Variants in ZDHHC20 observed in about 807,000 individuals in gnomAD.
ZDHHC20 encodes palmitoyltransferase ZDHHC20.
Under a neutral mutation model 57.8 loss-of-function variants are expected in ZDHHC20, and 43 were observed. That is an observed-to-expected ratio of 0.74 (90% CI 0.58 to 0.96). The LOEUF is 0.96. ZDHHC20 is among the 40% of genes least tolerant of loss of function. The probability of loss-of-function intolerance (pLI) is 0.00; values close to 1 mark genes in which losing one functional copy is unlikely to be tolerated. For missense variants in ZDHHC20, 391 were observed against 441.1 expected (o/e 0.89, Z 1.02); for synonymous variants, 157 against 153.0 (o/e 1.03, Z -0.19).
intron 8 of ZDHHC20, among the ~76,000 whole-genome samples, chr13:21,389,736 G>C (rs1875308365): frequency 6.6e-6 from 1 of 152,080 alleles, no homozygotes; most frequent in Non-Finnish European, 1.5e-5. Context: ...GCCCTATCTT[G>C]GGCAGTCCAC....
chr13:21,449,358 G>A (rs1365001260), intron 1 of ZDHHC20, among the ~76,000 whole-genome samples: 3 of 152,220 alleles, frequency 2.0e-5, no homozygotes, highest in Non-Finnish European at 4.4e-5. Flanking sequence ...GCTCGAATGG[G>A]GTGGGAGTCT....
At chr13:21,432,766 C>A (rs988918640) in intron 1 of ZDHHC20, among the ~76,000 whole-genome samples, 3 of 152,164 alleles carry the variant, frequency 2.0e-5, no homozygotes, top group Admixed American at 1.3e-4. Context: ...ACCATGCCCC[C>A]CCATGTAATC....
intron 1 of ZDHHC20, among the ~76,000 whole-genome samples, chr13:21,450,757 G>T (rs1023668718): frequency 2.3e-4 from 33 of 141,098 alleles, no homozygotes; most frequent in Admixed American, 1.5e-3. Context: ...TAAAAAGGTG[G>T]TTTTTTTTTT....
chr13:21,400,312 A>T, intron 7 of ZDHHC20, 61 bp downstream of exon 7: 1 of 1,439,474 alleles, frequency 6.9e-7, no homozygotes, highest in Non-Finnish European at 9.3e-7. Flanking sequence ...AAAGTAATTT[A>T]TTAGGAAGAT....
intron 6 of ZDHHC20, among the ~76,000 whole-genome samples, chr13:21,401,372 G>T (rs1877602892): frequency 6.6e-6 from 1 of 152,194 alleles, no homozygotes; most frequent in Non-Finnish European, 1.5e-5. Context: ...CTGGGAAGTT[G>T]AGTGGTGTCT....
intron 7 of ZDHHC20, among the ~76,000 whole-genome samples, chr13:21,398,426 T>C (rs1339103253): frequency 6.7e-6 from 1 of 149,868 alleles, no homozygotes; most frequent in Non-Finnish European, 1.5e-5. Context: ...ATCGCGCCAC[T>C]GCACTCCAGC....
At chr13:21,395,742 C>G (rs941343192) in intron 7 of ZDHHC20, among the ~76,000 whole-genome samples, 6 of 151,810 alleles carry the variant, frequency 4.0e-5, no homozygotes, top group African/African-American at 1.5e-4. Flanking sequence ...CCTCGTGATC[C>G]GCTCGCCTCA....
chr13:21,413,563 T>G lies in ZDHHC20; in HGVS notation c.370+89A>C, dbSNP rs566613818. On this transcript the variant is annotated intron_variant, in intron 4 of 12. Transcript: ENST00000400590. ...TTATTTATGGCAATCATAGTATCCATTTAATAGTCAAACCATGCAAATATA... is the reference window on the plus strand; with the variant it reads ...TTATTTATGGCAATCATAGTATCCAGTTAATAGTCAAACCATGCAAATATA... 166 of 1,256,806 alleles carry G rather than the reference T, an allele frequency of 1.3e-4. 1 individual carries two copies. Among genetic ancestry groups the G allele is most frequent in the Non-Finnish European group, 1.7e-4 (160 of 939,954 alleles). 77.9% of individuals were successfully genotyped at this position (1,256,806 alleles called of 1,614,324 possible). A position where few individuals can be genotyped will look rare whatever the true frequency, so the allele number is the denominator to read the frequency against.
At position 21,376,552 on chromosome 13, in the gene ZDHHC20, G is replaced by A. The variant is rs550225482; in HGVS notation, c.*144C>T. ...CCCAGGAACTGTACAAAGGCTTTCC[G>A]TTTTAAAAAATATATCTTCTGTTAT... On this transcript the variant is annotated 3_prime_UTR_variant, in exon 13 of 13. Coordinates refer to ENST00000400590, the MANE Select transcript of ZDHHC20 (RefSeq NM_001330059.2). 4.2e-4 allele frequency: 428 copies of A among 1,008,094 alleles called. 3 individuals carry two copies. The South Asian group carries it at 7.7e-3, about 18-fold the overall frequency. 62.4% of individuals were successfully genotyped at this position (1,008,094 alleles called of 1,614,324 possible). A position where few individuals can be genotyped will look rare whatever the true frequency, so the allele number is the denominator to read the frequency against.
chr13:21,392,228 AC>A (rs1353685142), intron 7 of ZDHHC20, among the ~76,000 whole-genome samples: 60 of 151,906 alleles, frequency 3.9e-4, no homozygotes, highest in African/African-American at 5.3e-4. Flanking sequence ...AAAAAAAAAA[AC>A]AATAGCAATA....
intron 1 of ZDHHC20, among the ~76,000 whole-genome samples, chr13:21,455,224 A>G (rs1884812426): frequency 6.6e-6 from 1 of 152,178 alleles, no homozygotes; most frequent in Non-Finnish European, 1.5e-5. Flanking sequence ...TGGCCAACAT[A>G]GCTCTTTTGA....
intron 4 of ZDHHC20, among the ~76,000 whole-genome samples, chr13:21,412,989 AAAC>A (rs1304714969): frequency 3.6e-4 from 54 of 151,320 alleles, no homozygotes; most frequent in African/African-American, 1.1e-3. Context: ...AAAAAAAAAA[AAAC>A]AATTTCCCAA....
chr13:21,379,462 G>A (rs1872842007), intron 11 of ZDHHC20, among the ~76,000 whole-genome samples: 2 of 151,896 alleles, frequency 1.3e-5, no homozygotes, highest in South Asian at 2.1e-4. Context: ...TTTTCCCAAA[G>A]TTTTTCGTAG....
chr13:21,383,434 G>A (rs566282977), intron 9 of ZDHHC20, among the ~76,000 whole-genome samples: 10 of 152,194 alleles, frequency 6.6e-5, no homozygotes, highest in African/African-American at 1.9e-4. Context: ...CTCCTCAGCC[G>A]TGTGTGAGTC....
intron 7 of ZDHHC20, among the ~76,000 whole-genome samples, chr13:21,399,157 G>C (rs1357117993): frequency 6.6e-6 from 1 of 151,930 alleles, no homozygotes; most frequent in Non-Finnish European, 1.5e-5. Flanking sequence ...AGCCTCGCCA[G>C]CATGGTGAAA....
Position 21,375,367 on chromosome 13 carries a change from CTGT to C in ZDHHC20, c.*1326_*1328del. The C allele has an allele frequency of 3.0e-6, 1 of 331,602 alleles. No homozygotes were observed. Among genetic ancestry groups the C allele is most frequent in the Non-Finnish European group, 5.9e-6 (1 of 169,628 alleles). 20.5% of individuals were successfully genotyped at this position (331,602 alleles called of 1,614,324 possible). On this transcript the variant is annotated 3_prime_UTR_variant, in exon 13 of 13. Transcript: ENST00000400590. ...GGGGGGGGTGTGTGTGTGTGTGTGT[CTGT>C]CTGTCTAAAAGGTGTAAATGAGGAG... is the stretch of plus-strand genomic sequence containing the variant.
chr13:21,454,861 T>C (rs966188611), intron 1 of ZDHHC20, among the ~76,000 whole-genome samples: 2 of 152,086 alleles, frequency 1.3e-5, no homozygotes, highest in Admixed American at 6.6e-5. Flanking sequence ...CTGAAAAAAA[T>C]ATAAAAGGTA....
At chr13:21,418,091 T>C (rs1880222346) in intron 3 of ZDHHC20, among the ~76,000 whole-genome samples, 1 of 152,240 alleles carries the variant, frequency 6.6e-6, no homozygotes, top group African/African-American at 2.4e-5. Flanking sequence ...AAATCCACTA[T>C]GTGCCAGATA....
chr13:21,379,847 C>T lies in ZDHHC20; in HGVS notation c.1061-1109G>A, dbSNP rs905112059. Among the ~76,000 whole-genome samples, 8 of 115,414 alleles carry T rather than the reference C, an allele frequency of 6.9e-5. No individual in the cohort carries two copies. The East Asian group carries it at 2.1e-3, about 30-fold the overall frequency. 75.7% of individuals were successfully genotyped at this position (115,414 alleles called of 152,430 possible). On this transcript the variant is annotated intron_variant, in intron 11 of 12. Coordinates refer to ENST00000400590, the MANE Select transcript of ZDHHC20 (RefSeq NM_001330059.2). The stretch of plus-strand genomic sequence containing the variant: ...TTTCTTTTTTTTTGAGATGGAATCT[C>T]GCTGTCGCCCAGGCTGGGGTGCAGT...
Sources: allele counts gnomAD v4.1 joint callset (sites outside exome capture counted in the v4.1 genomes callset), GRCh38; gene constraint gnomAD v4.1.1; transcripts MANE v1.5; gene names NCBI Gene and HGNC (gene_info 2026-07-23, HGNC 2026-07-21).